Variants in CDH4 observed in about 807,000 individuals in gnomAD.
The protein encoded by CDH4 is cadherin-4.
A neutral mutation model predicts 86.0 loss-of-function variants in CDH4; 33 were observed. The observed-to-expected ratio is 0.38, with a 90% confidence interval of 0.29 to 0.51. CDH4 has a LOEUF of 0.51. CDH4 is among the 20% of genes least tolerant of loss of function. The probability of loss-of-function intolerance (pLI) is 0.86; values close to 1 mark genes in which losing one functional copy is unlikely to be tolerated. For synonymous variants in CDH4, 555 were observed against 549.4 expected (o/e 1.01, Z -0.14); for missense variants, 1,114 against 1,307.4 (o/e 0.85, Z 2.28).
chr20:61,911,415 G>A (rs1388100970), intron 9 of CDH4, among the ~76,000 whole-genome samples: 1 of 152,204 alleles, frequency 6.6e-6, no homozygotes, highest in Non-Finnish European at 1.5e-5. Flanking sequence ...AGGGCAGATT[G>A]GGAATTATAT....
At chr20:61,451,139 C>G (rs186951369) in intron 2 of CDH4, among the ~76,000 whole-genome samples, 2 of 151,146 alleles carry the variant, frequency 1.3e-5, no homozygotes, top group Non-Finnish European at 2.9e-5. Flanking sequence ...CCCTTCCCTC[C>G]GTGTCATCCT....
At chr20:61,740,872 C>T (rs543794913) in intron 2 of CDH4, 3 of 152,356 alleles carry the variant, frequency 2.0e-5, no homozygotes, top group South Asian at 4.2e-4. Context: ...GGAGCTTTCT[C>T]GTGATTGGAC....
At chr20:61,605,621 C>T (rs2086638582) in intron 2 of CDH4, among the ~76,000 whole-genome samples, 1 of 151,974 alleles carries the variant, frequency 6.6e-6, no homozygotes, top group Non-Finnish European at 1.5e-5. Flanking sequence ...GTCTCTCTCT[C>T]TGTCTCCCTG....
chr20:61,785,534 C>G (rs969770830), intron 4 of CDH4, among the ~76,000 whole-genome samples: 4 of 152,196 alleles, frequency 2.6e-5, no homozygotes, highest in African/African-American at 9.7e-5. Flanking sequence ...ACACTGCACA[C>G]CCCACCAGGT....
At position 61,480,601 on chromosome 20, in the gene CDH4, C is replaced by A. The variant is rs1600704610; in HGVS notation, c.169+225664C>A. 6.6e-6 allele frequency among the ~76,000 whole-genome samples: 1 copy of A among 152,308 alleles called. No individual in the cohort carries two copies. The highest frequency in any genetic ancestry group is 1.9e-4 in the East Asian group (1 of 5,180). ...GGTGGCTGGCTGCCTGCTAGGCTGA[C>A]ACAGGGGAAGGAGGTGTGGAGGTGT... On this transcript the variant is annotated intron_variant, in intron 2 of 15. Transcript: ENST00000614565. This position sits in a 1 kb window ranked among gnomAD's most constrained non-coding sequence, Gnocchi z 5.2.
chr20:61,908,791 C>T (rs1043381291), intron 8 of CDH4, among the ~76,000 whole-genome samples: 1 of 152,184 alleles, frequency 6.6e-6, no homozygotes, highest in Non-Finnish European at 1.5e-5. Context: ...AGGGCCAGGC[C>T]GAGCTGCAGG....
At chr20:61,777,836 T>G (rs201607842) in intron 4 of CDH4, among the ~76,000 whole-genome samples, 4 of 71,878 alleles carry the variant, frequency 5.6e-5, no homozygotes, top group Non-Finnish European at 9.2e-5. Context: ...GCGCACGCAC[T>G]TGCATACAAA....
intron 2 of CDH4, among the ~76,000 whole-genome samples, chr20:61,541,495 G>T (rs957174452): frequency 4.6e-5 from 7 of 152,320 alleles, no homozygotes; most frequent in Admixed American, 1.3e-4. Context: ...GACACATGCT[G>T]TAGCCAGCAC....
intron 6 of CDH4, 92 bp downstream of exon 6, chr20:61,852,990 G>A (rs545085013): frequency 4.4e-5 from 59 of 1,353,832 alleles, no homozygotes; most frequent in Admixed American, 2.4e-4. Context: ...CTTAGTCCCC[G>A]CTACCAGGAT....
At chr20:61,506,824 A>G (rs925996293) in intron 2 of CDH4, among the ~76,000 whole-genome samples, 2 of 152,162 alleles carry the variant, frequency 1.3e-5, no homozygotes, top group African/African-American at 4.8e-5. Context: ...GAGAGGCTGC[A>G]GGGTGGTGCT....
rs1231316253 is a variant in CDH4 at position 61,480,855 on chromosome 20, G to T, written c.169+225918G>T. ...CCCCATCTTTGAACTGCAGTTTGTT[G>T]GCTGTGCATTAGGTCTGCTCCTACA... On this transcript the variant is annotated intron_variant, in intron 2 of 15. Transcript: ENST00000614565. The surrounding 1 kb of genome is among the most constrained non-coding windows in gnomAD (Gnocchi z 5.2). Among the ~76,000 whole-genome samples the T allele has an allele frequency of 6.6e-6, 1 of 152,224 alleles. No individual in the cohort carries two copies. Among genetic ancestry groups the T allele is most frequent in the African/African-American group, 2.4e-5 (1 of 41,462 alleles).
In CDH4 at chr20:61,938,643, C is replaced by G. The variant is rs916261922; in HGVS notation, c.*1700C>G. 1 of 152,400 alleles carries G rather than the reference C, an allele frequency of 6.6e-6. No homozygotes were observed. Among genetic ancestry groups the G allele is most frequent in the Non-Finnish European group, 1.5e-5 (1 of 68,202 alleles). The allele number at this position is 152,400 out of a possible 1,614,324, so 9.4% of individuals were successfully genotyped here. A position where few individuals can be genotyped will look rare whatever the true frequency, so the allele number is the denominator to read the frequency against. Reference sequence around the variant, plus strand: ...TGGGGTCAGGGAGTGTCTCGGGGTGCCTTTGGGGGCAGCATGAGCTCCACC... The same window carrying G: ...TGGGGTCAGGGAGTGTCTCGGGGTGGCTTTGGGGGCAGCATGAGCTCCACC... On this transcript the variant is annotated 3_prime_UTR_variant, in exon 16 of 16. Coordinates refer to ENST00000614565, the MANE Select transcript of CDH4 (RefSeq NM_001794.5).
intron 9 of CDH4, 37 bp from the exon 10 acceptor site, chr20:61,923,414 G>A (rs972514675): frequency 6.2e-7 from 1 of 1,608,444 alleles, no homozygotes; most frequent in Admixed American, 1.7e-5. Flanking sequence ...CACGGGAGCT[G>A]TGCCAGGTCA....
intron 2 of CDH4, among the ~76,000 whole-genome samples, chr20:61,451,390 C>T (rs954847100): frequency 4.6e-5 from 7 of 152,166 alleles, no homozygotes; most frequent in Non-Finnish European, 8.8e-5. Context: ...TTGTTGCTTA[C>T]TTGAAGCCAC....
intron 2 of CDH4, among the ~76,000 whole-genome samples, chr20:61,610,334 C>A (rs762721289): frequency 7.3e-4 from 111 of 152,320 alleles, no homozygotes; most frequent in Non-Finnish European, 1.1e-3. Context: ...GAATTTCATT[C>A]TTTTTTATGG....
chr20:61,606,724 A>G (rs1289002613), intron 2 of CDH4, among the ~76,000 whole-genome samples: 3 of 152,238 alleles, frequency 2.0e-5, no homozygotes, highest in Admixed American at 6.5e-5. Context: ...TGTCGTGCAC[A>G]CACCTGCTCA....
intron 3 of CDH4, among the ~76,000 whole-genome samples, chr20:61,751,706 T>C (rs1009461725): frequency 6.6e-6 from 1 of 152,250 alleles, no homozygotes; most frequent in Non-Finnish European, 1.5e-5. Flanking sequence ...ACCTATACGA[T>C]GTCCTCAATT....
In CDH4 at chr20:61,489,926, G is replaced by A. The variant is rs546659774; in HGVS notation, c.169+234989G>A. ...ACAGCTCCTGGGCCCCTCTAAGGGAGAGTCTAAGTCAGCAGGTCATGGGCC... is the reference window on the plus strand; with the variant it reads ...ACAGCTCCTGGGCCCCTCTAAGGGAAAGTCTAAGTCAGCAGGTCATGGGCC... On this transcript the variant is annotated intron_variant, in intron 2 of 15. Coordinates refer to ENST00000614565, the MANE Select transcript of CDH4 (RefSeq NM_001794.5). 5.9e-5 allele frequency among the ~76,000 whole-genome samples: 9 copies of A among 152,276 alleles called. No individual in the cohort carries two copies. In the East Asian group the frequency reaches 1.7e-3, roughly 29 times the overall value.
In CDH4 at chr20:61,642,203, C is replaced by T. The variant is rs549099184; in HGVS notation, c.170-101360C>T. On this transcript the variant is annotated intron_variant, in intron 2 of 15. Transcript: ENST00000614565. ...GTAGTCATCTTTTTACCAATACGGT[C>T]ATGAATGAAATATAATTCTTAATTT... Among the ~76,000 whole-genome samples the T allele has an allele frequency of 1.8e-3, 271 of 152,340 alleles. 1 individual carries two copies. Among genetic ancestry groups the T allele is most frequent in the African/African-American group, 6.3e-3 (264 of 41,576 alleles).
Sources: allele counts gnomAD v4.1 joint callset (sites outside exome capture counted in the v4.1 genomes callset), GRCh38; gene constraint gnomAD v4.1.1; non-coding constraint Gnocchi (gnomAD v3.1); transcripts MANE v1.5; gene names NCBI Gene and HGNC (gene_info 2026-07-23, HGNC 2026-07-21).